ZNF385D: variants seen among roughly 807,000 people sequenced by gnomAD.
The protein encoded by ZNF385D is zinc finger protein 385D, also known as zinc finger protein 659.
ZNF385D carries 15 observed loss-of-function variants against 35.8 expected under a neutral mutation model. The observed-to-expected ratio is 0.42, with a 90% CI of 0.28 to 0.64. ZNF385D has a LOEUF of 0.64. Ranked by LOEUF, ZNF385D falls within the 30% of genes least tolerant of loss-of-function variation. ZNF385D has a pLI of 0.23. For synonymous variants in ZNF385D, 212 were observed against 186.8 expected (o/e 1.13, Z -1.10); for missense variants, 474 against 494.6 (o/e 0.96, Z 0.39).
intron 3 of ZNF385D, among the ~76,000 whole-genome samples, chr3:21,824,028 C>A (rs1232714938): frequency 6.6e-6 from 1 of 152,140 alleles, no homozygotes; most frequent in African/African-American, 2.4e-5. Flanking sequence ...TGGGTATAGA[C>A]TGAGCATTTT....
chr3:22,090,102 T>C (rs1701253347), intron 3 of ZNF385D, among the ~76,000 whole-genome samples: 2 of 152,164 alleles, frequency 1.3e-5, no homozygotes, highest in Admixed American at 6.5e-5. Context: ...CCTCCCAAAG[T>C]GCTGATATTG....
chr3:22,070,142 T>TTA (rs906596785), intron 3 of ZNF385D, among the ~76,000 whole-genome samples: 27 of 152,298 alleles, frequency 1.8e-4, no homozygotes, highest in African/African-American at 6.3e-4. Flanking sequence ...ACTTAGAACT[T>TTA]TAAAGATAAG....
intron 2 of ZNF385D, among the ~76,000 whole-genome samples, chr3:21,600,682 AACAC>A (rs772504218): frequency 1.4e-4 from 21 of 152,222 alleles, no homozygotes; most frequent in African/African-American, 3.9e-4. Flanking sequence ...AAAACAAAAA[AACAC>A]ACAGAGAGAG....
chr3:21,905,905 TG>T (rs1699661691), intron 3 of ZNF385D, among the ~76,000 whole-genome samples: 1 of 152,176 alleles, frequency 6.6e-6, no homozygotes, highest in Non-Finnish European at 1.5e-5. Flanking sequence ...TGTTAATTGT[TG>T]TTTTAAAAAA....
At chr3:21,872,847 T>C (rs900969562) in intron 3 of ZNF385D, among the ~76,000 whole-genome samples, 3 of 152,130 alleles carry the variant, frequency 2.0e-5, no homozygotes, top group Admixed American at 6.6e-5. Context: ...ATTTAGAGTA[T>C]TAAGGGTATA....
intron 2 of ZNF385D, among the ~76,000 whole-genome samples, chr3:21,567,019 C>T (rs1221814556): frequency 6.6e-6 from 1 of 152,222 alleles, no homozygotes; most frequent in Non-Finnish European, 1.5e-5. Context: ...TTGTTACATG[C>T]ATCAGCAGCT....
At chr3:22,111,638 T>C (rs949249365) in intron 3 of ZNF385D, among the ~76,000 whole-genome samples, 4 of 152,154 alleles carry the variant, frequency 2.6e-5, no homozygotes, top group Non-Finnish European at 4.4e-5. Flanking sequence ...ACTTAGTGAA[T>C]TGAACACATG....
chr3:21,807,455 G>A (rs540586565), intron 3 of ZNF385D, among the ~76,000 whole-genome samples: 1 of 152,064 alleles, frequency 6.6e-6, no homozygotes, highest in Non-Finnish European at 1.5e-5. Context: ...GACTCGCCAA[G>A]TTTAAAAGTA....
chr3:22,290,205 C>T (rs1339158908), intron 2 of ZNF385D, among the ~76,000 whole-genome samples: 1 of 152,050 alleles, frequency 6.6e-6, no homozygotes, highest in Non-Finnish European at 1.5e-5. Flanking sequence ...CACGGGGAAG[C>T]TGGGTGTTGG....
chr3:22,081,690 C>G (rs543942465), intron 3 of ZNF385D, among the ~76,000 whole-genome samples: 14 of 152,242 alleles, frequency 9.2e-5, no homozygotes, highest in African/African-American at 3.4e-4. Context: ...ATGGAACATA[C>G]AAACCTTTCC....
At chr3:21,499,769 T>C (rs1452987177) in intron 4 of ZNF385D, among the ~76,000 whole-genome samples, 1 of 152,208 alleles carries the variant, frequency 6.6e-6, no homozygotes. Context: ...AGCTATTAGT[T>C]TGTGGGTAAT....
chr3:21,855,605 C>T (rs1473791865), intron 3 of ZNF385D, among the ~76,000 whole-genome samples: 1 of 152,006 alleles, frequency 6.6e-6, no homozygotes, highest in African/African-American at 2.4e-5. Context: ...CAGAAAAGAT[C>T]ATCCAAATAA....
chr3:21,628,135 A>T (rs182581025), intron 2 of ZNF385D, among the ~76,000 whole-genome samples: 2 of 152,134 alleles, frequency 1.3e-5, no homozygotes, highest in Non-Finnish European at 2.9e-5. Context: ...GATTGTTAAA[A>T]GTTTCAAAAG....
intron 3 of ZNF385D, among the ~76,000 whole-genome samples, chr3:21,965,878 T>C (rs1702885488): frequency 6.6e-6 from 1 of 152,092 alleles, no homozygotes; most frequent in African/African-American, 2.4e-5. Flanking sequence ...GAAGAAGAGA[T>C]AACAATAAAG....
intron 3 of ZNF385D, among the ~76,000 whole-genome samples, chr3:22,042,299 C>T (rs886511588): frequency 6.6e-6 from 1 of 152,038 alleles, no homozygotes; most frequent in African/African-American, 2.4e-5. Context: ...TTAATACCCA[C>T]AAGGAACTTA....
chr3:21,610,433 A>G (rs75384566), intron 2 of ZNF385D, among the ~76,000 whole-genome samples: 1 of 152,148 alleles, frequency 6.6e-6, no homozygotes, highest in Non-Finnish European at 1.5e-5. Context: ...TTAGGTATCT[A>G]TTGATATATA....
chr3:21,439,138 T>C (rs1701729568), intron 4 of ZNF385D, among the ~76,000 whole-genome samples: 1 of 152,052 alleles, frequency 6.6e-6, no homozygotes, highest in Non-Finnish European at 1.5e-5. Context: ...TTTCATTTTT[T>C]ATTGTATAAA....
At chr3:21,463,809 GA>G (rs1703333754) in intron 4 of ZNF385D, among the ~76,000 whole-genome samples, 1 of 152,092 alleles carries the variant, frequency 6.6e-6, no homozygotes, top group Non-Finnish European at 1.5e-5. Context: ...GGATAGAGCT[GA>G]ATGTTTACAG....
intron 3 of ZNF385D, among the ~76,000 whole-genome samples, chr3:21,522,813 A>G (rs1473802421): frequency 2.0e-5 from 3 of 148,626 alleles, no homozygotes; most frequent in Admixed American, 2.0e-4. Flanking sequence ...TTGCATTAAG[A>G]AAAAAAATTT....
Sources: gnomAD v4.1 joint callset for allele counts (sites outside exome capture counted in the v4.1 genomes callset) on GRCh38, gnomAD v4.1.1 for gene constraint, MANE v1.5 for transcripts, NCBI Gene and HGNC (gene_info 2026-07-23, HGNC 2026-07-21) for gene names.